Variants in GRIK4 observed in about 807,000 individuals in gnomAD.
GRIK4 encodes glutamate receptor ionotropic, kainate 4.
GRIK4 carries 40 observed loss-of-function variants against 104.9 expected under a neutral mutation model. The ratio of observed to expected loss-of-function variants is 0.38; its 90% CI spans 0.30 to 0.50. GRIK4 has a LOEUF of 0.50. GRIK4 is among the 20% of genes least tolerant of loss of function. GRIK4 has a pLI of 0.93. For synonymous variants in GRIK4, 485 were observed against 524.9 expected (o/e 0.92, Z 1.04); for missense variants, 1,047 against 1,308.1 (o/e 0.80, Z 3.08).
At chr11:120,790,046 C>T (rs922945702) in intron 3 of GRIK4, among the ~76,000 whole-genome samples, 7 of 152,098 alleles carry the variant, frequency 4.6e-5, no homozygotes, top group African/African-American at 1.4e-4. Flanking sequence ...GTCAAATGAC[C>T]TCATCTTAGT....
At chr11:120,844,855 C>T (rs1953812230) in intron 8 of GRIK4, among the ~76,000 whole-genome samples, 1 of 152,146 alleles carries the variant, frequency 6.6e-6, no homozygotes, top group Non-Finnish European at 1.5e-5. Flanking sequence ...ATGTCAAAAC[C>T]TGAGGCCCAG....
intron 1 of GRIK4, among the ~76,000 whole-genome samples, chr11:120,551,260 C>T (rs1011545598): frequency 6.6e-6 from 1 of 152,116 alleles, no homozygotes; most frequent in Non-Finnish European, 1.5e-5. Context: ...CTCCCATAGC[C>T]CTTGTTACTG....
intron 1 of GRIK4, among the ~76,000 whole-genome samples, chr11:120,553,239 G>A (rs1948156515): frequency 6.6e-6 from 1 of 152,186 alleles, no homozygotes; most frequent in Non-Finnish European, 1.5e-5. Context: ...GTGAAACTCT[G>A]AGAGTCAGTG....
chr11:120,705,606 G>T (rs193097491), intron 3 of GRIK4, among the ~76,000 whole-genome samples: 4 of 152,066 alleles, frequency 2.6e-5, no homozygotes, highest in Non-Finnish European at 5.9e-5. Context: ...GGGGAGTATC[G>T]CCATCAAAAC....
rs531549576 is a variant in GRIK4, at chr11:120,528,857, G to A, written c.-159+16970G>A. Among the ~76,000 whole-genome samples the A allele has an allele frequency of 1.2e-4, 18 of 152,272 alleles. No homozygotes were observed. The South Asian group carries it at 1.9e-3, about 16-fold the overall frequency. ...TGACCTCCCACCAGTTTCCTCCCACGACACATGGGAACTGTGGGAGTTGCA... is the reference window on the plus strand; with the variant it reads ...TGACCTCCCACCAGTTTCCTCCCACAACACATGGGAACTGTGGGAGTTGCA... On this transcript the variant is annotated intron_variant, in intron 1 of 20. Coordinates refer to ENST00000527524, the MANE Select transcript of GRIK4 (RefSeq NM_014619.5).
At chr11:120,984,795 A>G (rs1438046698) in intron 20 of GRIK4, among the ~76,000 whole-genome samples, 1 of 133,880 alleles carries the variant, frequency 7.5e-6, no homozygotes, top group African/African-American at 2.9e-5. Flanking sequence ...AAACAAACAA[A>G]CAAAAATGCA....
At chr11:120,797,213 T>C (rs911779297) in intron 3 of GRIK4, among the ~76,000 whole-genome samples, 14 of 152,122 alleles carry the variant, frequency 9.2e-5, no homozygotes, top group Non-Finnish European at 1.9e-4. Flanking sequence ...AGCCCTGCCT[T>C]TGCTGTGGCC....
chr11:120,817,919 A>G (rs902426705), intron 5 of GRIK4, among the ~76,000 whole-genome samples: 2 of 152,234 alleles, frequency 1.3e-5, no homozygotes, highest in Admixed American at 6.5e-5. Context: ...TAGGTATTGA[A>G]CTATTATATA....
chr11:120,751,358 G>A (rs557677058), intron 3 of GRIK4, among the ~76,000 whole-genome samples: 9 of 152,192 alleles, frequency 5.9e-5, no homozygotes, highest in Non-Finnish European at 1.2e-4. Flanking sequence ...AAGCCTTAGC[G>A]GTTCTTGGCT....
chr11:120,716,068 A>T (rs1950827109), intron 3 of GRIK4, among the ~76,000 whole-genome samples: 1 of 151,984 alleles, frequency 6.6e-6, no homozygotes, highest in Non-Finnish European at 1.5e-5. Flanking sequence ...AGCACTCCTA[A>T]ATGCAGGGAG....
At chr11:120,697,191 G>A (rs1950463408) in intron 3 of GRIK4, among the ~76,000 whole-genome samples, 1 of 152,202 alleles carries the variant, frequency 6.6e-6, no homozygotes, top group Admixed American at 6.5e-5. Context: ...CTTGAAGGAG[G>A]GACCATGAGA....
intron 11 of GRIK4, among the ~76,000 whole-genome samples, chr11:120,879,434 G>A (rs1954903624): frequency 6.6e-6 from 1 of 152,194 alleles, no homozygotes; most frequent in Non-Finnish European, 1.5e-5. Context: ...AAAGCCCCAC[G>A]CAGCGACCTG....
intron 4 of GRIK4, among the ~76,000 whole-genome samples, chr11:120,813,285 C>T (rs772526397): frequency 6.6e-6 from 1 of 152,134 alleles, no homozygotes; most frequent in Non-Finnish European, 1.5e-5. Context: ...AGGCACTTCA[C>T]GTCTCTGGGG....
chr11:120,921,758 C>T (rs752434741), intron 13 of GRIK4, among the ~76,000 whole-genome samples: 12 of 152,076 alleles, frequency 7.9e-5, no homozygotes, highest in Non-Finnish European at 1.5e-4. Flanking sequence ...TGGGGAGGTC[C>T]AGGGGGAGTT....
chr11:120,531,387 C>T lies in GRIK4; in HGVS notation c.-159+19500C>T, dbSNP rs139603278. 5.6e-3 allele frequency among the ~76,000 whole-genome samples: 859 copies of T among 152,280 alleles called. 9 individuals carry two copies. Among genetic ancestry groups the T allele is most frequent in the African/African-American group, 0.019 (779 of 41,548 alleles). ...CCTGCCACAGGCACCTGCTCCATAG[C>T]GCTGCCCAAATAATCATTTAGACAC... is the stretch of plus-strand genomic sequence containing the variant. On this transcript the variant is annotated intron_variant, in intron 1 of 20. Transcript: ENST00000527524.
chr11:120,616,903 C>T (rs903034008), intron 1 of GRIK4, among the ~76,000 whole-genome samples: 4 of 152,160 alleles, frequency 2.6e-5, no homozygotes, highest in Non-Finnish European at 4.4e-5. Flanking sequence ...TGGGCTTTTG[C>T]CCTGGGGTTC....
intron 14 of GRIK4, among the ~76,000 whole-genome samples, chr11:120,950,222 A>G (rs1478774309): frequency 6.6e-6 from 1 of 152,220 alleles, no homozygotes; most frequent in African/African-American, 2.4e-5. Flanking sequence ...GGCGTCAGTC[A>G]ATCACAAGTA....
At chr11:120,879,438 C>T (rs1954903790) in intron 11 of GRIK4, among the ~76,000 whole-genome samples, 1 of 152,212 alleles carries the variant, frequency 6.6e-6, no homozygotes, top group South Asian at 2.1e-4. Context: ...CCCCACGCAG[C>T]GACCTGCTGG....
chr11:120,890,592 G>T (rs976932190), intron 11 of GRIK4, among the ~76,000 whole-genome samples: 2 of 152,208 alleles, frequency 1.3e-5, no homozygotes, highest in Non-Finnish European at 2.9e-5. Flanking sequence ...CCTATTAACT[G>T]TGTGACCCTC....
Sources: gnomAD v4.1 joint callset for allele counts (sites outside exome capture counted in the v4.1 genomes callset) on GRCh38, gnomAD v4.1.1 for gene constraint, MANE v1.5 for transcripts, NCBI Gene and HGNC (gene_info 2026-07-23, HGNC 2026-07-21) for gene names.